C4BPA: variants seen among roughly 807,000 people sequenced by gnomAD.
C4BPA encodes complement component 4 binding protein alpha.
C4BPA carries 31 observed loss-of-function variants against 63.7 expected under a neutral mutation model. The ratio of observed to expected loss-of-function variants is 0.49; its 90% CI spans 0.37 to 0.66. The LOEUF is 0.66. C4BPA is among the 30% of genes least tolerant of loss of function. The pLI, the probability that C4BPA is intolerant of heterozygous loss-of-function variation, is 0.00. For synonymous variants in C4BPA, 259 were observed against 254.7 expected (o/e 1.02, Z -0.16); for missense variants, 572 against 723.3 (o/e 0.79, Z 2.40).
chr1:207,123,294 C>G (rs1468220319), intron 4 of C4BPA, among the ~76,000 whole-genome samples: 1 of 152,188 alleles, frequency 6.6e-6, no homozygotes, highest in East Asian at 1.9e-4. Context: ...CTGAAGGTGA[C>G]ATTTGCTTTA....
Position 207,124,196 on chromosome 1 carries a change from C to G in C4BPA, c.536C>G (p.Pro179Arg). ...QCEIVKCKPP[P>R]DIRNGRHSGE... Reference sequence around the variant, plus strand: ...TCAGTTGTCAAGTGTAAGCCTCCTCCAGACATCAGGAATGGAAGGCACAGC... The same window carrying G: ...TCAGTTGTCAAGTGTAAGCCTCCTCGAGACATCAGGAATGGAAGGCACAGC... Residue 179 changes from proline to arginine, a missense_variant, in exon 6 of 12, where the codon CCA becomes CGA. Pro to Arg is a moderately radical substitution (Grantham distance 103, BLOSUM62 -2). This residue lies in a region of C4BPA where 465 missense variants were observed against 629.4 expected (regional missense o/e 0.74). Coordinates refer to ENST00000367070, the MANE Select transcript of C4BPA (RefSeq NM_000715.4). 6.2e-7 allele frequency: 1 copy of G among 1,613,826 alleles called. No individual in the cohort carries two copies. The highest frequency in any genetic ancestry group is 8.5e-7 in the Non-Finnish European group (1 of 1,179,818).
chr1:207,142,624 G>T (rs1347060312), intron 10 of C4BPA, among the ~76,000 whole-genome samples: 1 of 152,122 alleles, frequency 6.6e-6, no homozygotes, highest in Non-Finnish European at 1.5e-5. Context: ...ACTGGTGTGA[G>T]ATGTTATCTC....
chr1:207,120,221 C>A (rs764503784), intron 4 of C4BPA, among the ~76,000 whole-genome samples: 1 of 152,092 alleles, frequency 6.6e-6, no homozygotes, highest in African/African-American at 2.4e-5. Context: ...AACCTCCAAG[C>A]TTAATTTAGG....
At chr1:207,139,158 G>T (rs1189022059) in intron 9 of C4BPA, among the ~76,000 whole-genome samples, 1 of 152,170 alleles carries the variant, frequency 6.6e-6, no homozygotes, top group Non-Finnish European at 1.5e-5. Flanking sequence ...AAGGAAAGAA[G>T]GGCCTCTGCT....
intron 4 of C4BPA, 64 bp downstream of exon 4, chr1:207,115,579 G>T (rs148874560): frequency 1.1e-6 from 1 of 885,156 alleles, no homozygotes; most frequent in South Asian, 1.8e-5. Flanking sequence ...TGAAGTGTTC[G>T]TATATTTCAA....
chr1:207,141,156 T>C lies in C4BPA; in HGVS notation c.1324T>C (p.Ser442Pro). Residue 442 changes from serine (S) to proline (P), a missense_variant, in exon 10 of 12, where the codon TCA (serine) becomes CCA (proline). Physicochemically the swap from Ser to Pro is moderately conservative, Grantham distance 74 (BLOSUM62 -1). This residue lies in a region of C4BPA where 465 missense variants were observed against 629.4 expected (regional missense o/e 0.74). Transcript: ENST00000367070. ...CCATGGGCATTATAAACAATCTAGT[T>C]CATACAGCTTTTTCAAAGAAGAGAT... is the stretch of plus-strand genomic sequence containing the variant. Reference protein sequence around the residue: ...IAHGHYKQSSSYSFFKEEIIY... With the variant: ...IAHGHYKQSSPYSFFKEEIIY... 6.2e-7 allele frequency: 1 copy of C among 1,613,712 alleles called. No individual in the cohort carries two copies. The highest frequency in any genetic ancestry group is 8.5e-7 in the Non-Finnish European group (1 of 1,179,746).
intron 1 of C4BPA, among the ~76,000 whole-genome samples, chr1:207,112,247 T>G (rs1331581945): frequency 6.6e-6 from 1 of 152,146 alleles, no homozygotes; most frequent in Non-Finnish European, 1.5e-5. Flanking sequence ...GCAAATTGCT[T>G]CATGGTTTAT....
intron 9 of C4BPA, 44 bp downstream of exon 9, chr1:207,134,636 T>G: frequency 7.3e-7 from 1 of 1,371,106 alleles, no homozygotes; most frequent in Non-Finnish European, 1.0e-6. Flanking sequence ...TTTCTTCATA[T>G]CAGTGTGATG....
Position 207,131,743 on chromosome 1 carries a change from G to A in C4BPA, c.1084+3G>A. On this transcript the variant is annotated splice_donor_region_variant and intron_variant, in intron 8 of 11. Transcript: ENST00000367070. The stretch of plus-strand genomic sequence containing the variant: ...GACCCCATACCAAGGATGTGAGGGT[G>A]AGTTTTTGTTTTTTAATATTTTTGT... 1 of 1,600,736 alleles carries A rather than the reference G, an allele frequency of 6.2e-7. No homozygotes were observed. The highest frequency in any genetic ancestry group is 1.3e-5 in the African/African-American group (1 of 74,226).
chr1:207,137,589 ATGTTTTGTTTTGTTT>A lies in C4BPA; in HGVS notation c.1273+3030_1273+3044del, dbSNP rs76261944. Among the ~76,000 whole-genome samples, 100 of 149,748 alleles carry A rather than the reference ATGTTTTGTTTTGTTT, an allele frequency of 6.7e-4. 1 individual carries two copies. Among genetic ancestry groups the A allele is most frequent in the African/African-American group, 1.8e-3 (72 of 40,232 alleles). On this transcript the variant is annotated intron_variant, in intron 9 of 11. Coordinates refer to ENST00000367070, the MANE Select transcript of C4BPA (RefSeq NM_000715.4). ...GTTTATGATAAGGGGTTGTGGAGAT[ATGTTTTGTTTTGTTT>A]TGTTTTGTTTTGTTTTGTTTTGTTT...
intron 9 of C4BPA, among the ~76,000 whole-genome samples, chr1:207,135,602 C>G (rs1041908355): frequency 6.6e-6 from 1 of 152,204 alleles, no homozygotes; most frequent in Non-Finnish European, 1.5e-5. Flanking sequence ...GTCACTTAGA[C>G]TGGTAGCCAA....
Position 207,143,865 on chromosome 1 carries a change from A to G in C4BPA, c.1492A>G (p.Lys498Glu). ...ELVNGRLSVD[K>E]DQYVEPENVT... Reference sequence around the variant, plus strand: ...AGTGAATGGAAGGTTGTCTGTGGATAAGGATCAGTATGTTGAGCCTGAAAA... The same window carrying G: ...AGTGAATGGAAGGTTGTCTGTGGATGAGGATCAGTATGTTGAGCCTGAAAA... The change falls in exon 11 of 12, where the codon AAG (lysine) becomes GAG (glutamate). Residue 498 changes from lysine (K) to glutamate (E), a missense_variant. Lys to Glu is a moderately conservative substitution (Grantham distance 56). Coordinates refer to ENST00000367070, the MANE Select transcript of C4BPA (RefSeq NM_000715.4). The G allele has an allele frequency of 1.2e-6, 2 of 1,613,526 alleles. No homozygotes were observed. The highest frequency in any genetic ancestry group is 1.7e-6 in the Non-Finnish European group (2 of 1,179,560).
chr1:207,133,420 C>G, intron 8 of C4BPA, among the ~76,000 whole-genome samples: 1 of 152,110 alleles, frequency 6.6e-6, no homozygotes, highest in East Asian at 1.9e-4. Flanking sequence ...AGTATTTCTA[C>G]TAATGAATAA....
intron 7 of C4BPA, 52 bp downstream of exon 7, chr1:207,126,947 GT>G (rs1483208252): frequency 7.0e-7 from 1 of 1,421,450 alleles, no homozygotes; most frequent in Non-Finnish European, 9.8e-7. Flanking sequence ...AAGGTACCCC[GT>G]ACTGTTAATA....
chr1:207,129,595 T>C (rs1028213196), intron 7 of C4BPA, among the ~76,000 whole-genome samples: 1 of 152,104 alleles, frequency 6.6e-6, no homozygotes, highest in African/African-American at 2.4e-5. Flanking sequence ...CAACGCATCA[T>C]GTACAATGTA....
At chr1:207,128,525 A>G (rs1454550058) in intron 7 of C4BPA, among the ~76,000 whole-genome samples, 2 of 152,208 alleles carry the variant, frequency 1.3e-5, no homozygotes, top group Non-Finnish European at 2.9e-5. Context: ...GTTGCTGAAA[A>G]AAGTAGAACA....
At chr1:207,117,384 G>A (rs911623867) in intron 4 of C4BPA, among the ~76,000 whole-genome samples, 2 of 152,152 alleles carry the variant, frequency 1.3e-5, no homozygotes, top group Admixed American at 6.5e-5. Context: ...CTGGGAGGTC[G>A]AGGCTGCAGT....
At chr1:207,109,057 T>G (rs1684614769) in intron 1 of C4BPA, among the ~76,000 whole-genome samples, 1 of 152,036 alleles carries the variant, frequency 6.6e-6, no homozygotes, top group Non-Finnish European at 1.5e-5. Flanking sequence ...AAGTTATGGA[T>G]GTGGATGACT....
At chr1:207,120,780 A>G (rs1021689749) in intron 4 of C4BPA, among the ~76,000 whole-genome samples, 6 of 152,244 alleles carry the variant, frequency 3.9e-5, no homozygotes, top group Admixed American at 2.6e-4. Flanking sequence ...CTTTATTAGT[A>G]GTATATAGAG....
Sources: gnomAD v4.1 joint callset for allele counts (sites outside exome capture counted in the v4.1 genomes callset) on GRCh38, gnomAD v4.1.1 for gene constraint, gnomAD v4.1.1 regional missense constraint, MANE v1.5 for transcripts, NCBI Gene and HGNC (gene_info 2026-07-23, HGNC 2026-07-21) for gene names.